The following ASIC2 variants were observed in gnomAD, a reference collection of about 807,000 sequenced individuals.
The protein encoded by ASIC2 is acid-sensing ion channel 2.
ASIC2 carries 25 observed loss-of-function variants against 57.3 expected under a neutral mutation model. The ratio of observed to expected loss-of-function variants is 0.44; its 90% CI spans 0.32 to 0.61. The LOEUF (loss-of-function observed/expected upper bound fraction) is 0.61, where lower values mean the gene tolerates loss of function less well. Ranked by LOEUF, ASIC2 falls within the 20% of genes least tolerant of loss-of-function variation. The probability of loss-of-function intolerance (pLI) is 0.06; values close to 1 mark genes in which losing one functional copy is unlikely to be tolerated. For synonymous variants in ASIC2, 319 were observed against 307.5 expected (o/e 1.04, Z -0.39); for missense variants, 641 against 738.1 (o/e 0.87, Z 1.52).
chr17:33,362,340 G>A (rs1479248144), intron 1 of ASIC2, among the ~76,000 whole-genome samples: 2 of 152,214 alleles, frequency 1.3e-5, no homozygotes, highest in Non-Finnish European at 2.9e-5. Context: ...AAGGGGTGGA[G>A]GGTGGTGCAG....
At chr17:33,831,553 AC>A (rs1369541491) in intron 1 of ASIC2, among the ~76,000 whole-genome samples, 1 of 151,282 alleles carries the variant, frequency 6.6e-6, no homozygotes, top group Non-Finnish European at 1.5e-5. Context: ...AGTTATTATT[AC>A]TTTCTTAAAA....
At chr17:34,065,967 A>G (rs1399361622) in intron 1 of ASIC2, among the ~76,000 whole-genome samples, 1 of 152,186 alleles carries the variant, frequency 6.6e-6, no homozygotes, top group Non-Finnish European at 1.5e-5. Flanking sequence ...AGATAGTATT[A>G]GAACTGTCCA....
intron 1 of ASIC2, among the ~76,000 whole-genome samples, chr17:34,062,298 T>A (rs11871695): frequency 0.48 from 72,613 of 151,966 alleles, 20,514 homozygotes; most frequent in Middle Eastern, 0.64. Context: ...AAAATCAAGA[T>A]GGAAATTAAA....
At chr17:33,264,696 T>G (rs1239005367) in intron 1 of ASIC2, among the ~76,000 whole-genome samples, 3 of 152,222 alleles carry the variant, frequency 2.0e-5, no homozygotes, top group Non-Finnish European at 4.4e-5. Flanking sequence ...ACCTGAAAGC[T>G]CTGTGGGTTG....
intron 1 of ASIC2, chr17:33,131,704 G>C (rs1199589324): frequency 6.6e-6 from 1 of 152,284 alleles, no homozygotes; most frequent in East Asian, 1.9e-4. Flanking sequence ...TTCTCTCTGG[G>C]GCGGCCTGTC....
chr17:33,919,481 TGGA>T (rs1915663392), intron 1 of ASIC2, among the ~76,000 whole-genome samples: 2 of 152,172 alleles, frequency 1.3e-5, no homozygotes, highest in South Asian at 4.1e-4. Flanking sequence ...AGAATGAAAC[TGGA>T]TTCATACCCT....
Position 33,591,313 on chromosome 17 carries a change from C to T in ASIC2, c.556-479246G>A, listed in dbSNP as rs144734308. Reference sequence around the variant, plus strand: ...CCCAGAGTCCCTGGACCACTCTAGACCTCTGATAGTTAGTAGGGGTCCAGT... The same window carrying T: ...CCCAGAGTCCCTGGACCACTCTAGATCTCTGATAGTTAGTAGGGGTCCAGT... On this transcript the variant is annotated intron_variant, in intron 1 of 9. Transcript: ENST00000359872. 8.4e-3 allele frequency among the ~76,000 whole-genome samples: 1,281 copies of T among 152,250 alleles called. 14 individuals carry two copies. Among genetic ancestry groups the T allele is most frequent in the African/African-American group, 0.028 (1,174 of 41,538 alleles).
intron 1 of ASIC2, among the ~76,000 whole-genome samples, chr17:33,380,686 C>A (rs944360676): frequency 6.6e-6 from 1 of 152,234 alleles, no homozygotes; most frequent in African/African-American, 2.4e-5. Context: ...AGGCTGCCTC[C>A]TTTGTCCCTC....
At chr17:34,042,723 A>G (rs1908186306) in intron 1 of ASIC2, among the ~76,000 whole-genome samples, 2 of 152,222 alleles carry the variant, frequency 1.3e-5, no homozygotes, top group Admixed American at 1.3e-4. Context: ...GTTGCGGAGA[A>G]AGAGTTTTAG....
At chr17:33,500,065 A>G (rs538793815) in intron 1 of ASIC2, among the ~76,000 whole-genome samples, 2 of 152,288 alleles carry the variant, frequency 1.3e-5, no homozygotes, top group South Asian at 4.2e-4. Flanking sequence ...GAAAACGGGG[A>G]AAAGGATTTC....
chr17:33,778,746 A>G (rs780516680), intron 1 of ASIC2, among the ~76,000 whole-genome samples: 7 of 152,202 alleles, frequency 4.6e-5, no homozygotes, highest in Non-Finnish European at 7.3e-5. Context: ...GATGGGAAAG[A>G]GTAACTAAAC....
intron 1 of ASIC2, among the ~76,000 whole-genome samples, chr17:33,606,159 C>G (rs116191480): frequency 6.6e-6 from 1 of 152,352 alleles, no homozygotes; most frequent in African/African-American, 2.4e-5. Flanking sequence ...TGCCATCAGA[C>G]AGCGGACCCA....
At chr17:33,941,292 C>T (rs559067875) in intron 1 of ASIC2, among the ~76,000 whole-genome samples, 31 of 152,292 alleles carry the variant, frequency 2.0e-4, no homozygotes, top group Non-Finnish European at 3.8e-4. Context: ...CTCTCCCAGA[C>T]GCCCTCAGAA....
chr17:33,909,627 G>A (rs567119170), intron 1 of ASIC2, among the ~76,000 whole-genome samples: 1 of 152,316 alleles, frequency 6.6e-6, no homozygotes, highest in African/African-American at 2.4e-5. Flanking sequence ...ATGTGCCCTG[G>A]AGTCCGAAGC....
chr17:33,763,157 T>C (rs1192171661), intron 1 of ASIC2, among the ~76,000 whole-genome samples: 2 of 152,198 alleles, frequency 1.3e-5, no homozygotes, highest in Admixed American at 6.5e-5. Flanking sequence ...GCTCTCAGGA[T>C]ACAAGTCTCC....
intron 1 of ASIC2, among the ~76,000 whole-genome samples, chr17:33,825,847 T>G (rs1409779770): frequency 3.3e-5 from 5 of 152,246 alleles, no homozygotes; most frequent in African/African-American, 1.2e-4. Flanking sequence ...AGATGTAGTA[T>G]AGTTCTTAAA....
intron 1 of ASIC2, among the ~76,000 whole-genome samples, chr17:34,008,941 G>T (rs1048158273): frequency 1.3e-5 from 2 of 152,172 alleles, no homozygotes; most frequent in African/African-American, 4.8e-5. Flanking sequence ...AAAGACATTT[G>T]CCTGGGGCTT....
intron 1 of ASIC2, among the ~76,000 whole-genome samples, chr17:33,179,394 G>C (rs912843185): frequency 6.6e-6 from 1 of 152,164 alleles, no homozygotes; most frequent in African/African-American, 2.4e-5. Flanking sequence ...TAAAATTACT[G>C]TCAGTCAGCC....
chr17:33,344,777 TC>T (rs751148556), intron 1 of ASIC2, among the ~76,000 whole-genome samples: 57 of 152,282 alleles, frequency 3.7e-4, no homozygotes, highest in Non-Finnish European at 6.3e-4. Flanking sequence ...TTTATTTGCA[TC>T]TGGGAGACAG....
Sources: gnomAD v4.1 joint callset for allele counts (sites outside exome capture counted in the v4.1 genomes callset) on GRCh38, gnomAD v4.1.1 for gene constraint, MANE v1.5 for transcripts, NCBI Gene and HGNC (gene_info 2026-07-23, HGNC 2026-07-21) for gene names.